Variants in PDE10A observed in about 807,000 individuals in gnomAD.
PDE10A encodes the protein cAMP and cAMP-inhibited cGMP 3',5'-cyclic phosphodiesterase 10A.
A neutral mutation model predicts 97.7 loss-of-function variants in PDE10A; 39 were observed. That is an observed-to-expected ratio of 0.40 (90% confidence interval 0.31 to 0.52). PDE10A has a LOEUF of 0.52. Ranked by LOEUF, PDE10A falls within the 20% of genes least tolerant of loss-of-function variation. The probability of loss-of-function intolerance (pLI) is 0.56; values close to 1 mark genes in which losing one functional copy is unlikely to be tolerated. For synonymous variants in PDE10A, 371 were observed against 376.8 expected (o/e 0.98, Z 0.18); for missense variants, 731 against 1,047.8 (o/e 0.70, Z 4.17).
chr6:165,612,472 G>A (rs1016978232), intron 1 of PDE10A, among the ~76,000 whole-genome samples: 3 of 152,022 alleles, frequency 2.0e-5, no homozygotes, highest in Admixed American at 2.0e-4. Context: ...AGGTTCAAGC[G>A]ATTCTCCTGC....
chr6:165,857,320 A>G (rs1332987965), intron 1 of PDE10A, among the ~76,000 whole-genome samples: 1 of 152,220 alleles, frequency 6.6e-6, no homozygotes, highest in Non-Finnish European at 1.5e-5. Flanking sequence ...ATAGCAAACC[A>G]TGGCCTTTCA....
intron 1 of PDE10A, among the ~76,000 whole-genome samples, chr6:165,928,897 T>TCA (rs1462712098): frequency 1.3e-5 from 2 of 152,138 alleles, no homozygotes; most frequent in African/African-American, 4.8e-5. Context: ...GATTCTTTGG[T>TCA]TGAGAAGTTT....
rs1291200486 is a variant in PDE10A, at chr6:165,383,766, C to CA, written c.2611-4401dup. 5.9e-5 allele frequency among the ~76,000 whole-genome samples: 9 copies of CA among 152,062 alleles called. No individual in the cohort carries two copies. The South Asian group carries it at 6.2e-4, about 11-fold the overall frequency. On this transcript the variant is annotated intron_variant, in intron 17 of 21. Coordinates refer to ENST00000539869, the MANE Select transcript of PDE10A (RefSeq NM_001385079.1). Reference sequence around the variant, plus strand: ...GAAAACTTCAATACAGTGTTAAAAACAAAAAAACAAACAAAACACTAAGAT... The same window carrying CA: ...GAAAACTTCAATACAGTGTTAAAAACAAAAAAAACAAACAAAACACTAAGAT...
intron 18 of PDE10A, among the ~76,000 whole-genome samples, chr6:165,347,773 TC>T: frequency 6.6e-6 from 1 of 152,138 alleles, no homozygotes; most frequent in Non-Finnish European, 1.5e-5. Flanking sequence ...GCACTTACAG[TC>T]CTACAGCAGG....
intron 1 of PDE10A, among the ~76,000 whole-genome samples, chr6:165,646,052 C>G (rs1789380955): frequency 6.6e-6 from 1 of 152,160 alleles, no homozygotes; most frequent in Admixed American, 6.5e-5. Context: ...TAGGAGCATG[C>G]TTGAGCCTTC....
intron 1 of PDE10A, among the ~76,000 whole-genome samples, chr6:165,922,315 G>A (rs1782779320): frequency 3.3e-5 from 5 of 152,152 alleles, no homozygotes; most frequent in Non-Finnish European, 7.4e-5. Flanking sequence ...GCGGCACACA[G>A]AGTCTAATGA....
chr6:165,459,593 A>G, intron 3 of PDE10A, among the ~76,000 whole-genome samples: 1 of 151,192 alleles, frequency 6.6e-6, no homozygotes, highest in South Asian at 2.1e-4. Flanking sequence ...ATATATATAT[A>G]TAATATAGAT....
chr6:165,686,203 A>C (rs6921546), intron 1 of PDE10A, among the ~76,000 whole-genome samples: 4,777 of 151,942 alleles, frequency 0.031, 235 homozygotes, highest in African/African-American at 0.11. Flanking sequence ...AATGAGGTGC[A>C]TCCATGACAG....
In PDE10A at chr6:165,343,521, A is replaced by C. The variant is rs757971075; in HGVS notation, c.2784-19T>G. 2.6e-6 allele frequency: 4 copies of C among 1,532,512 alleles called. No individual in the cohort carries two copies. In the South Asian group the frequency reaches 3.4e-5, roughly 13 times the overall value. The allele number at this position is 1,532,512 out of a possible 1,614,324, so 94.9% of individuals were successfully genotyped here. ...ACGGTCTCTAGAACACAACAATATA[A>C]GACTGGTCAGCATAGCATTTGCACA... On this transcript the variant is annotated intron_variant, in intron 18 of 21. Transcript: ENST00000539869.
At chr6:165,902,741 C>T (rs1782149562) in intron 1 of PDE10A, among the ~76,000 whole-genome samples, 1 of 152,144 alleles carries the variant, frequency 6.6e-6, no homozygotes, top group African/African-American at 2.4e-5. Context: ...GTGGAGGTAT[C>T]AGCATTGTTT....
intron 1 of PDE10A, among the ~76,000 whole-genome samples, chr6:165,871,106 C>T (rs1781193680): frequency 6.6e-6 from 1 of 152,114 alleles, no homozygotes; most frequent in African/African-American, 2.4e-5. Context: ...TGAAATGATA[C>T]ACAAAGAAAT....
chr6:165,975,589 G>A (rs1428522317), intron 1 of PDE10A, among the ~76,000 whole-genome samples: 4 of 152,206 alleles, frequency 2.6e-5, no homozygotes, highest in African/African-American at 9.6e-5. Flanking sequence ...ACTTTAATGA[G>A]AATATATTTT....
chr6:165,850,517 C>T (rs145979917), intron 1 of PDE10A, among the ~76,000 whole-genome samples: 1 of 152,188 alleles, frequency 6.6e-6, no homozygotes, highest in South Asian at 2.1e-4. Context: ...GGTAAACTAC[C>T]TTTAGTTATA....
At chr6:165,613,009 A>C (rs1787568252) in intron 1 of PDE10A, among the ~76,000 whole-genome samples, 1 of 152,258 alleles carries the variant, frequency 6.6e-6, no homozygotes, top group South Asian at 2.1e-4. Context: ...CAAATATTTA[A>C]AACCTTGAAC....
intron 1 of PDE10A, among the ~76,000 whole-genome samples, chr6:165,896,500 C>G (rs2128483334): frequency 6.6e-6 from 1 of 150,952 alleles, no homozygotes; most frequent in East Asian, 2.0e-4. Flanking sequence ...ATTACAGGTG[C>G]CCACCACAAC....
intron 21 of PDE10A, among the ~76,000 whole-genome samples, chr6:165,333,430 A>C (rs943608405): frequency 6.6e-6 from 1 of 152,138 alleles, no homozygotes; most frequent in East Asian, 1.9e-4. Flanking sequence ...TTGAACAGGG[A>C]AAGAGCCCTA....
chr6:165,930,625 C>T (rs369095037), intron 1 of PDE10A, among the ~76,000 whole-genome samples: 6 of 152,230 alleles, frequency 3.9e-5, no homozygotes, highest in African/African-American at 9.6e-5. Flanking sequence ...AAGCCCATGC[C>T]GTGCACGCCT....
intron 18 of PDE10A, among the ~76,000 whole-genome samples, chr6:165,378,148 T>C (rs1025191339): frequency 6.6e-6 from 1 of 152,214 alleles, no homozygotes; most frequent in Admixed American, 6.5e-5. Flanking sequence ...TTATTAGATA[T>C]CTATAGTCAT....
intron 1 of PDE10A, among the ~76,000 whole-genome samples, chr6:165,707,967 T>C (rs781526918): frequency 5.3e-5 from 8 of 152,166 alleles, no homozygotes; most frequent in Non-Finnish European, 1.0e-4. Flanking sequence ...CATGTGCGTC[T>C]CATAGGACTC....
Sources: allele counts gnomAD v4.1 joint callset (sites outside exome capture counted in the v4.1 genomes callset), GRCh38; gene constraint gnomAD v4.1.1; transcripts MANE v1.5; gene names NCBI Gene and HGNC (gene_info 2026-07-23, HGNC 2026-07-21).